The following PARK7 variants were observed in gnomAD, a reference collection of about 807,000 sequenced individuals.
PARK7 encodes Parkinson disease protein 7.
A neutral mutation model predicts 20.5 loss-of-function variants in PARK7; 14 were observed. The ratio of observed to expected loss-of-function variants is 0.68; its 90% CI spans 0.45 to 1.07. PARK7 has a LOEUF of 1.07. PARK7 is among the 50% of genes least tolerant of loss of function. The pLI is 0.00. For missense variants in PARK7, 234 were observed against 238.1 expected (o/e 0.98, Z 0.11); for synonymous variants, 98 against 84.3 (o/e 1.16, Z -0.89).
intron 5 of PARK7, among the ~76,000 whole-genome samples, chr1:7,976,582 G>T (rs1184657592): frequency 6.6e-6 from 1 of 152,194 alleles, no homozygotes; most frequent in Non-Finnish European, 1.5e-5. Flanking sequence ...CGTGATGCTA[G>T]TGCCTTTATA....
Position 7,984,618 on chromosome 1 carries a change from G to A in PARK7, c.410-276G>A, listed in dbSNP as rs973611775. Reference sequence around the variant, plus strand: ...GTGATGTGAGTAACTGTCATTCACCGACATCTCCCCCAACACTTAAAGTCT... The same window carrying A: ...GTGATGTGAGTAACTGTCATTCACCAACATCTCCCCCAACACTTAAAGTCT... On this transcript the variant is annotated intron_variant, in intron 6 of 6. Transcript: ENST00000338639. This position sits in a 1 kb window ranked among gnomAD's most constrained non-coding sequence, Gnocchi z 4.3. 2.0e-5 allele frequency among the ~76,000 whole-genome samples: 3 copies of A among 151,902 alleles called. No individual in the cohort carries two copies. Among genetic ancestry groups the A allele is most frequent in the East Asian group, 1.9e-4 (1 of 5,194 alleles).
chr1:7,968,812 C>T (rs1640388330), intron 3 of PARK7, among the ~76,000 whole-genome samples: 1 of 152,154 alleles, frequency 6.6e-6, no homozygotes, highest in Non-Finnish European at 1.5e-5. Context: ...CCAGTGTGCC[C>T]AGCCTGTTTT....
intron 3 of PARK7, among the ~76,000 whole-genome samples, chr1:7,968,302 CAAAAAAA>C (rs34105225): frequency 3.9e-5 from 4 of 101,844 alleles, no homozygotes; most frequent in African/African-American, 1.6e-4. Context: ...GACTCTGTCT[CAAAAAAA>C]AAAAAAAAAG....
At chr1:7,967,602 A>T (rs1315087663) in intron 3 of PARK7, among the ~76,000 whole-genome samples, 1 of 152,206 alleles carries the variant, frequency 6.6e-6, no homozygotes, top group African/African-American at 2.4e-5. Flanking sequence ...TTTTGAATCA[A>T]CGGTAGGATG....
chr1:7,983,228 G>A (rs948308960), intron 6 of PARK7, among the ~76,000 whole-genome samples: 37 of 152,224 alleles, frequency 2.4e-4, no homozygotes, highest in African/African-American at 7.5e-4. Context: ...TGCCCTCAGG[G>A]TGTTCTCAGG....
At chr1:7,963,118 C>T (rs1009463620) in intron 2 of PARK7, among the ~76,000 whole-genome samples, 3 of 152,140 alleles carry the variant, frequency 2.0e-5, no homozygotes, top group Non-Finnish European at 2.9e-5. Flanking sequence ...GGCTGGAGTG[C>T]GATGGCAGGA....
chr1:7,980,291 A>G (rs1392891059), intron 6 of PARK7, among the ~76,000 whole-genome samples: 1 of 152,188 alleles, frequency 6.6e-6, no homozygotes, highest in East Asian at 1.9e-4. Context: ...AAAGAACAGA[A>G]CTGGGCTCCC....
At chr1:7,980,556 G>A (rs1443169373) in intron 6 of PARK7, among the ~76,000 whole-genome samples, 2 of 152,180 alleles carry the variant, frequency 1.3e-5, no homozygotes, top group African/African-American at 4.8e-5. Context: ...AGGAGAGACT[G>A]AGGCCAGAGC....
chr1:7,966,561 G>T (rs1640334384), intron 3 of PARK7, among the ~76,000 whole-genome samples: 1 of 151,842 alleles, frequency 6.6e-6, no homozygotes, highest in South Asian at 2.1e-4. Context: ...AGCCAGGTGT[G>T]GTGGTGCATG....
intron 1 of PARK7, chr1:7,961,995 A>G (rs1640213255): frequency 6.6e-6 from 1 of 152,264 alleles, no homozygotes; most frequent in Non-Finnish European, 1.5e-5. Context: ...CGTGGTGGCA[A>G]CGCTGAAGCG....
chr1:7,973,541 C>A (rs1171278892), intron 5 of PARK7, among the ~76,000 whole-genome samples: 2 of 152,090 alleles, frequency 1.3e-5, no homozygotes, highest in Non-Finnish European at 2.9e-5. Context: ...TGGTGAAACC[C>A]CATCTCTACT....
At chr1:7,969,973 C>T (rs1640428708) in intron 4 of PARK7, among the ~76,000 whole-genome samples, 2 of 152,144 alleles carry the variant, frequency 1.3e-5, no homozygotes, top group Admixed American at 6.5e-5. Flanking sequence ...AGGAGGATTG[C>T]TTGAGGCCAG....
chr1:7,962,412 TTTCCC>T, intron 1 of PARK7, among the ~76,000 whole-genome samples: 1 of 152,190 alleles, frequency 6.6e-6, no homozygotes, highest in East Asian at 1.9e-4. Context: ...AAAAAGACTG[TTTCCC>T]CGCATTGTGT....
chr1:7,963,477 G>A (rs1020211021), intron 2 of PARK7, among the ~76,000 whole-genome samples: 1 of 150,398 alleles, frequency 6.6e-6, no homozygotes, highest in African/African-American at 2.5e-5. Context: ...TCTGCCTCCC[G>A]GGTTCAAGAG....
intron 5 of PARK7, 137 bp from the exon 6 acceptor site, chr1:7,977,515 G>A (rs1172212349): frequency 4.2e-6 from 3 of 717,048 alleles, no homozygotes; most frequent in Middle Eastern, 2.4e-4. Context: ...GAATTCCTGG[G>A]CTCAAGCAAT....
chr1:7,966,062 G>A (rs1430178213), intron 3 of PARK7, among the ~76,000 whole-genome samples: 3 of 152,198 alleles, frequency 2.0e-5, no homozygotes, highest in Non-Finnish European at 2.9e-5. Context: ...CTTTAAGGAC[G>A]ATGGACACTT....
chr1:7,981,720 A>G (rs1451763855), intron 6 of PARK7, among the ~76,000 whole-genome samples: 9 of 145,452 alleles, frequency 6.2e-5, no homozygotes, highest in Non-Finnish European at 1.3e-4. Context: ...GTACAGTGGC[A>G]CGATCTGTGC....
chr1:7,966,933 A>G (rs922597556), intron 3 of PARK7, among the ~76,000 whole-genome samples: 4 of 152,178 alleles, frequency 2.6e-5, no homozygotes, highest in African/African-American at 9.7e-5. Context: ...GGAACGTTCA[A>G]TATCCTCCTT....
At chr1:7,973,921 AAAAAT>A (rs1485022886) in intron 5 of PARK7, among the ~76,000 whole-genome samples, 1 of 149,898 alleles carries the variant, frequency 6.7e-6, no homozygotes, top group East Asian at 2.4e-4. Context: ...AAAAAAAAAA[AAAAAT>A]CAACCACATT....
Sources: gnomAD v4.1 joint callset for allele counts (sites outside exome capture counted in the v4.1 genomes callset) on GRCh38, gnomAD v4.1.1 for gene constraint, Gnocchi (gnomAD v3.1) non-coding constraint, MANE v1.5 for transcripts, NCBI Gene and HGNC (gene_info 2026-07-23, HGNC 2026-07-21) for gene names.